The following RELN variants were observed in gnomAD, a reference collection of about 807,000 sequenced individuals.
RELN encodes the protein reelin.
RELN carries 108 observed loss-of-function variants against 427.6 expected under a neutral mutation model. That is an observed-to-expected ratio of 0.25 (90% CI 0.22 to 0.30). The LOEUF is 0.30. RELN is among the 10% of genes least tolerant of loss of function. The probability of loss-of-function intolerance (pLI) is 1.00; values close to 1 mark genes in which losing one functional copy is unlikely to be tolerated. For missense variants in RELN, 3,715 were observed against 4,302.8 expected (o/e 0.86, Z 3.82); for synonymous variants, 1,524 against 1,513.4 (o/e 1.01, Z -0.16).
intron 57 of RELN, among the ~76,000 whole-genome samples, chr7:103,494,196 C>T (rs760898176): frequency 1.3e-5 from 2 of 152,088 alleles, no homozygotes; most frequent in Non-Finnish European, 1.5e-5. Context: ...ACCCTCCAGT[C>T]CCCAAAGGAG....
At chr7:103,756,930 C>T (rs750085378) in intron 4 of RELN, among the ~76,000 whole-genome samples, 19 of 152,150 alleles carry the variant, frequency 1.2e-4, no homozygotes, top group Admixed American at 6.5e-5. Context: ...AAGTACCGGG[C>T]CTAGAAGCTT....
At chr7:103,957,256 T>C (rs1346199824) in intron 1 of RELN, among the ~76,000 whole-genome samples, 2 of 151,926 alleles carry the variant, frequency 1.3e-5, no homozygotes, top group Non-Finnish European at 2.9e-5. Flanking sequence ...CAGAAGAAAA[T>C]AAATGAAGGA....
chr7:103,826,642 A>C (rs1476503706), intron 3 of RELN, among the ~76,000 whole-genome samples: 1 of 152,044 alleles, frequency 6.6e-6, no homozygotes, highest in Non-Finnish European at 1.5e-5. Flanking sequence ...AGTTTGGAAA[A>C]ACGAAATTTC....
intron 2 of RELN, among the ~76,000 whole-genome samples, chr7:103,914,900 C>G (rs887115848): frequency 3.9e-5 from 6 of 152,238 alleles, no homozygotes; most frequent in Non-Finnish European, 7.4e-5. Flanking sequence ...ACTGGGCTCT[C>G]CAGTGTTTTC....
At chr7:103,864,667 A>G (rs539028558) in intron 2 of RELN, among the ~76,000 whole-genome samples, 3 of 152,288 alleles carry the variant, frequency 2.0e-5, no homozygotes, top group African/African-American at 7.2e-5. Flanking sequence ...AGGAACTAGA[A>G]AAAGGGCAAA....
chr7:103,535,200 C>A, intron 46 of RELN, 116 bp downstream of exon 46: 1 of 929,106 alleles, frequency 1.1e-6, no homozygotes, highest in Non-Finnish European at 1.7e-6. Context: ...CATGGCAATA[C>A]CATTAGCAAT....
chr7:103,545,128 G>A lies in RELN; in HGVS notation c.6519C>T (p.Phe2173=), dbSNP rs146913017. ...TKNPDFLKDD[F]EGQLESDRFL... ...GAATTTGTAAGAAAAGACTACCTTC[G>A]AAATCATCTTTGAGAAAATCAGGAT... The change falls in exon 42 of 65, where the codon TTC becomes TTT. Residue 2173 remains phenylalanine, a synonymous_variant. Coordinates refer to ENST00000428762, the MANE Select transcript of RELN (RefSeq NM_005045.4). 104 of 1,612,506 alleles carry A rather than the reference G, an allele frequency of 6.4e-5. No homozygotes were observed. The African/African-American group carries it at 1.2e-3, about 18-fold the overall frequency.
intron 3 of RELN, among the ~76,000 whole-genome samples, 172 bp from the exon 4 acceptor site, chr7:103,776,799 G>A (rs1791753866): frequency 6.6e-6 from 1 of 152,156 alleles, no homozygotes; most frequent in Admixed American, 6.5e-5. Context: ...CTTAAACCAA[G>A]GCACCTGGGT....
At chr7:103,759,814 C>G (rs1296979857) in intron 4 of RELN, among the ~76,000 whole-genome samples, 2 of 152,034 alleles carry the variant, frequency 1.3e-5, no homozygotes, top group Non-Finnish European at 2.9e-5. Flanking sequence ...TTATTTACAG[C>G]ATCTCACAGA....
intron 20 of RELN, among the ~76,000 whole-genome samples, chr7:103,619,791 C>A (rs1832173967): frequency 6.6e-6 from 1 of 152,044 alleles, no homozygotes; most frequent in Admixed American, 6.5e-5. Context: ...GGAGACCATG[C>A]ACCCAGGGAA....
At chr7:103,671,304 G>A (rs1833387739) in intron 11 of RELN, among the ~76,000 whole-genome samples, 1 of 152,068 alleles carries the variant, frequency 6.6e-6, no homozygotes, top group Non-Finnish European at 1.5e-5. Context: ...ACATTTCAAA[G>A]ATTCTTCTCT....
chr7:103,886,943 T>C (rs537604574), intron 2 of RELN, among the ~76,000 whole-genome samples: 18 of 152,306 alleles, frequency 1.2e-4, no homozygotes, highest in African/African-American at 2.9e-4. Flanking sequence ...AGCAGGATAA[T>C]ATACAAATAA....
chr7:103,596,413 C>A, intron 25 of RELN, 43 bp downstream of exon 25: 1 of 1,506,508 alleles, frequency 6.6e-7, no homozygotes, highest in Non-Finnish European at 9.2e-7. Flanking sequence ...TAACCTTTAC[C>A]ATTCCTGGAA....
intron 6 of RELN, among the ~76,000 whole-genome samples, chr7:103,738,527 G>A (rs533380953): frequency 3.0e-4 from 45 of 151,934 alleles, no homozygotes; most frequent in African/African-American, 1.0e-3. Flanking sequence ...CATCACCCCA[G>A]AGAGGTGCCT....
intron 20 of RELN, among the ~76,000 whole-genome samples, chr7:103,617,028 A>G (rs973475540): frequency 1.3e-5 from 2 of 152,184 alleles, no homozygotes; most frequent in African/African-American, 4.8e-5. Flanking sequence ...AACATCAACA[A>G]TGACTGAGGT....
chr7:103,545,916 G>A (rs905084311), intron 41 of RELN, among the ~76,000 whole-genome samples: 6 of 152,154 alleles, frequency 3.9e-5, no homozygotes, highest in African/African-American at 7.2e-5. Flanking sequence ...GATTACAAGC[G>A]TGAGCCACCG....
chr7:103,705,899 T>G (rs1433760801), intron 8 of RELN, among the ~76,000 whole-genome samples: 1 of 152,218 alleles, frequency 6.6e-6, no homozygotes, highest in East Asian at 1.9e-4. Context: ...CAGTTATTGG[T>G]GCATTCTATT....
intron 60 of RELN, among the ~76,000 whole-genome samples, chr7:103,487,174 G>A (rs182648836): frequency 1.5e-3 from 223 of 152,208 alleles, no homozygotes; most frequent in African/African-American, 4.6e-3. Flanking sequence ...CCAAACCACC[G>A]CATGTTCTAA....
At chr7:103,947,196 C>T (rs942734518) in intron 1 of RELN, among the ~76,000 whole-genome samples, 1 of 152,176 alleles carries the variant, frequency 6.6e-6, no homozygotes, top group African/African-American at 2.4e-5. Context: ...TACCTTACAA[C>T]ATATTCAGTT....
Sources: allele counts gnomAD v4.1 joint callset (sites outside exome capture counted in the v4.1 genomes callset), GRCh38; gene constraint gnomAD v4.1.1; transcripts MANE v1.5; gene names NCBI Gene and HGNC (gene_info 2026-07-23, HGNC 2026-07-21).